The following MIA2 variants were observed in gnomAD, a reference collection of about 807,000 sequenced individuals.
MIA2 encodes the protein MIA SH3 domain ER export factor 2, also known as melanoma inhibitory activity protein 2.
A neutral mutation model predicts 167.8 loss-of-function variants in MIA2; 127 were observed. The ratio of observed to expected loss-of-function variants is 0.76; its 90% CI spans 0.66 to 0.88. The LOEUF (loss-of-function observed/expected upper bound fraction) is 0.88, where lower values mean the gene tolerates loss of function less well. MIA2 is among the 40% of genes least tolerant of loss of function. The probability of loss-of-function intolerance (pLI) is 0.00; values close to 1 mark genes in which losing one functional copy is unlikely to be tolerated. For synonymous variants in MIA2, 552 were observed against 541.9 expected (o/e 1.02, Z -0.26); for missense variants, 1,690 against 1,624.7 (o/e 1.04, Z -0.69).
At chr14:39,363,371 A>C (rs1236329617) in intron 23 of MIA2, among the ~76,000 whole-genome samples, 1 of 152,210 alleles carries the variant, frequency 6.6e-6, no homozygotes, top group African/African-American at 2.4e-5. Context: ...CTCTACAAAA[A>C]ATACAAAAAT....
chr14:39,260,142 T>C (rs558582946), intron 6 of MIA2, among the ~76,000 whole-genome samples: 5 of 152,334 alleles, frequency 3.3e-5, no homozygotes, highest in Non-Finnish European at 7.3e-5. Context: ...AAGTCTGCTA[T>C]TGTGAATAGT....
At position 39,294,839 on chromosome 14, in the gene MIA2, T is replaced by G. The variant is rs138075700; in HGVS notation, c.2392-86T>G. 282 of 895,192 alleles carry G rather than the reference T, an allele frequency of 3.2e-4. 1 individual carries two copies. The African/African-American group carries it at 4.0e-3, about 13-fold the overall frequency. The allele number at this position is 895,192 out of a possible 1,614,324, so 55.5% of individuals were successfully genotyped here. On this transcript the variant is annotated intron_variant, in intron 12 of 28. Coordinates refer to ENST00000640607, the MANE Select transcript of MIA2 (RefSeq NM_001329214.4). ...ATATTGGCATGGTTTTGCCTTTGTT[T>G]AATTCTGTGTTCTAGGGAGTATGTG... is the stretch of plus-strand genomic sequence containing the variant.
At chr14:39,263,080 C>A (rs988297311) in intron 6 of MIA2, among the ~76,000 whole-genome samples, 2 of 152,196 alleles carry the variant, frequency 1.3e-5, no homozygotes, top group African/African-American at 4.8e-5. Flanking sequence ...GAGAGGGCAT[C>A]CCTGTCTTGT....
chr14:39,281,595 T>C (rs1301859566), intron 9 of MIA2, among the ~76,000 whole-genome samples: 1 of 151,320 alleles, frequency 6.6e-6, no homozygotes, highest in East Asian at 1.9e-4. Context: ...TTATGCTCTC[T>C]TATTTTTGTT....
At chr14:39,328,097 C>T (rs538307166) in intron 25 of MIA2, among the ~76,000 whole-genome samples, 18 of 152,264 alleles carry the variant, frequency 1.2e-4, no homozygotes, top group South Asian at 6.2e-4. Context: ...CAGTGTAAAG[C>T]GTTCCTATTT....
At position 39,279,546 on chromosome 14, in the gene MIA2, T is replaced by G. The variant is rs1163152794; in HGVS notation, c.2130+9T>G. 1 of 1,545,982 alleles carries G rather than the reference T, an allele frequency of 6.5e-7. No individual in the cohort carries two copies. Among genetic ancestry groups the G allele is most frequent in the Admixed American group, 1.8e-5 (1 of 55,368 alleles). ...GCCTTGTTCAAAAAGAGGTAAGATA[T>G]TTTTGAAAATAATATTCATGTTAGA... On this transcript the variant is annotated intron_variant, in intron 9 of 28. Coordinates refer to ENST00000640607, the MANE Select transcript of MIA2 (RefSeq NM_001329214.4).
intron 2 of MIA2, among the ~76,000 whole-genome samples, chr14:39,237,672 G>A (rs1481502939): frequency 1.3e-5 from 2 of 152,074 alleles, no homozygotes; most frequent in East Asian, 1.9e-4. Flanking sequence ...TTTATTTGGA[G>A]GGACTTCATA....
chr14:39,288,454 TATATATATATA>T (rs2060164199), intron 9 of MIA2, among the ~76,000 whole-genome samples: 59 of 13,882 alleles, frequency 4.3e-3, no homozygotes, highest in Non-Finnish European at 7.6e-3. Context: ...TATATATATA[TATATATATATA>T]TATATATATA....
chr14:39,350,111 TC>T lies in MIA2; in HGVS notation c.4088del (p.Pro1363HisfsTer32). 2.3e-6 allele frequency: 3 copies of T among 1,330,624 alleles called. No individual in the cohort carries two copies. The highest frequency in any genetic ancestry group is 1.3e-5 in the South Asian group (1 of 74,188). 82.4% of individuals were successfully genotyped at this position (1,330,624 alleles called of 1,614,324 possible). The part of the protein sequence containing the change: ...PAPFAMRNVY[P>X]PRGFPPYLPP... ...CTCTTTGAACAGTGAGAAATGTCTA[TC>T]CACCGAGGGGTTTTCCTCCTTACCT... On this transcript the variant is annotated frameshift_variant, in exon 29 of 29. Coordinates refer to ENST00000640607, the MANE Select transcript of MIA2 (RefSeq NM_001329214.4). LOFTEE classifies it high-confidence loss of function.
intron 25 of MIA2, among the ~76,000 whole-genome samples, chr14:39,337,084 A>C (rs901615539): frequency 6.6e-6 from 1 of 152,128 alleles, no homozygotes; most frequent in Non-Finnish European, 1.5e-5. Context: ...AACTTGTTTC[A>C]TTTCTTTGGA....
chr14:39,253,466 C>G (rs775916690), intron 6 of MIA2: 6 of 413,384 alleles, frequency 1.5e-5, no homozygotes, highest in Non-Finnish European at 2.6e-5. Flanking sequence ...TAAGTTAACT[C>G]AGGAATAATA....
chr14:39,268,060 G>C (rs1386317390), intron 6 of MIA2, among the ~76,000 whole-genome samples: 8 of 149,632 alleles, frequency 5.3e-5, no homozygotes, highest in Non-Finnish European at 1.0e-4. Flanking sequence ...CTTCTGTCTT[G>C]TTAATGTACA....
At chr14:39,299,662 C>T (rs1288816131) in intron 13 of MIA2, among the ~76,000 whole-genome samples, 2 of 152,026 alleles carry the variant, frequency 1.3e-5, no homozygotes, top group Non-Finnish European at 2.9e-5. Flanking sequence ...ATATGTATAT[C>T]TCAGGAAACC....
rs1191504979 is a variant in MIA2 at position 39,252,908 on chromosome 14, T to C, written c.1728T>C (p.Asn576=). The part of the protein sequence containing the change: ...IDRSVENTLL[N]SQMVSTDNSL... Reference sequence around the variant, plus strand: ...GATCTGTGGAAAATACCCTGCTAAATAGTCAGATGGTTTCAACTGATAACT... The same window carrying C: ...GATCTGTGGAAAATACCCTGCTAAACAGTCAGATGGTTTCAACTGATAACT... Residue 576 remains asparagine (N), a synonymous_variant, in exon 5 of 29, where the codon AAT becomes AAC. Coordinates refer to ENST00000640607, the MANE Select transcript of MIA2 (RefSeq NM_001329214.4). 5 of 1,613,882 alleles carry C rather than the reference T, an allele frequency of 3.1e-6. No homozygotes were observed. Among genetic ancestry groups the C allele is most frequent in the Admixed American group, 3.3e-5 (2 of 59,964 alleles).
At chr14:39,313,841 A>C (rs1480306550) in intron 19 of MIA2, among the ~76,000 whole-genome samples, 1 of 152,138 alleles carries the variant, frequency 6.6e-6, no homozygotes, top group Admixed American at 6.6e-5. Context: ...TGAGCCATAG[A>C]GCATTTGGAA....
At chr14:39,276,414 G>A (rs1003508903) in intron 6 of MIA2, 3 of 153,374 alleles carry the variant, frequency 2.0e-5, no homozygotes, top group African/African-American at 7.2e-5. Flanking sequence ...CAGAGGTAGG[G>A]TGGGGAGATT....
Position 39,294,101 on chromosome 14 carries a change from G to A in MIA2, c.2391+30G>A, listed in dbSNP as rs766359925. ...GTTGAATTAGTCTAGTAGGTCTGTT[G>A]CTTTTGGAAATAATTTTAGTTTAAT... On this transcript the variant is annotated intron_variant, in intron 12 of 28. Coordinates refer to ENST00000640607, the MANE Select transcript of MIA2 (RefSeq NM_001329214.4). 4 of 1,468,432 alleles carry A rather than the reference G, an allele frequency of 2.7e-6. No individual in the cohort carries two copies. The South Asian group carries it at 4.9e-5, about 18-fold the overall frequency. 91.0% of individuals were successfully genotyped at this position (1,468,432 alleles called of 1,614,324 possible). A position where few individuals can be genotyped will look rare whatever the true frequency, so the allele number is the denominator to read the frequency against.
intron 9 of MIA2, among the ~76,000 whole-genome samples, chr14:39,289,016 T>G (rs1040811): frequency 6.6e-6 from 1 of 152,006 alleles, no homozygotes; most frequent in Admixed American, 6.6e-5. Flanking sequence ...TCCCTCCTGT[T>G]GTTTTTCTTG....
intron 6 of MIA2, chr14:39,267,046 C>T: frequency 3.9e-6 from 4 of 1,038,470 alleles, no homozygotes; most frequent in Non-Finnish European, 4.7e-6. Context: ...CCAGGTAGAG[C>T]GCCGGCCCCT....
Sources: gnomAD v4.1 joint callset for allele counts (sites outside exome capture counted in the v4.1 genomes callset) on GRCh38, gnomAD v4.1.1 for gene constraint, MANE v1.5 for transcripts, NCBI Gene and HGNC (gene_info 2026-07-23, HGNC 2026-07-21) for gene names.